Variants in RBFOX1 observed in about 807,000 individuals in gnomAD.
RBFOX1 encodes RNA binding fox-1 homolog 1, also known as RNA binding protein fox-1 homolog 1.
A neutral mutation model predicts 57.7 loss-of-function variants in RBFOX1; 8 were observed. That is an observed-to-expected ratio of 0.14 (90% CI 0.08 to 0.25). The LOEUF (loss-of-function observed/expected upper bound fraction) is 0.25, where lower values mean the gene tolerates loss of function less well. RBFOX1 is among the 10% of genes least tolerant of loss of function. The pLI is 1.00. For synonymous variants in RBFOX1, 326 were observed against 222.4 expected, an observed-to-expected ratio of 1.47 and a Z score of -4.15; for missense variants, 611 against 548.5, an observed-to-expected ratio of 1.11 and a Z score of -1.14.
At chr16:7,315,177 T>C (rs1158660425) in intron 4 of RBFOX1, among the ~76,000 whole-genome samples, 1 of 152,050 alleles carries the variant, frequency 6.6e-6, no homozygotes, top group African/African-American at 2.4e-5. Context: ...GATATTTCTT[T>C]CCCTATAGAA....
intron 4 of RBFOX1, among the ~76,000 whole-genome samples, chr16:7,084,159 C>A (rs1225116403): frequency 6.6e-6 from 1 of 152,100 alleles, no homozygotes; most frequent in Non-Finnish European, 1.5e-5. Context: ...CTGTGGTAAA[C>A]AGGAGAGCAT....
intron 2 of RBFOX1, among the ~76,000 whole-genome samples, chr16:6,454,567 G>GAAACAAAAAATGAAAAC (rs1398828752): frequency 4.0e-5 from 6 of 151,888 alleles, no homozygotes; most frequent in African/African-American, 1.5e-4. Context: ...CAAAAACAAG[G>GAAACAAAAAATGAAAAC]AAACAAAAAA....
intron 2 of RBFOX1, among the ~76,000 whole-genome samples, chr16:6,351,323 C>CAT (rs2086308568): frequency 8.9e-6 from 1 of 112,928 alleles, no homozygotes; most frequent in Non-Finnish European, 1.8e-5. Flanking sequence ...ATATATATAA[C>CAT]GTGTGTGTGT....
chr16:7,604,626 A>G (rs1223679934), intron 9 of RBFOX1, among the ~76,000 whole-genome samples: 1 of 152,206 alleles, frequency 6.6e-6, no homozygotes, highest in Admixed American at 6.5e-5. Flanking sequence ...TTATAGATAG[A>G]TCAGTAGATA....
intron 2 of RBFOX1, among the ~76,000 whole-genome samples, chr16:5,485,324 C>T (rs558414381): frequency 5.9e-4 from 66 of 111,068 alleles, no homozygotes; most frequent in African/African-American, 1.3e-3. Context: ...CCAGCCTGGG[C>T]GACAGAGCCA....
Position 6,409,369 on chromosome 16 carries a change from A to G in RBFOX1, c.-64+92312A>G, listed in dbSNP as rs530089443. Among the ~76,000 whole-genome samples the G allele has an allele frequency of 7.2e-5, 11 of 152,312 alleles. No homozygotes were observed. The East Asian group carries it at 1.9e-3, about 27-fold the overall frequency. ...GCGGATGTTGCAGTGAGCCGAGATC[A>G]TGCCATTGCCCTCCAGCCAGGGCAA... On this transcript the variant is annotated intron_variant, in intron 2 of 15. Transcript: ENST00000550418.
intron 4 of RBFOX1, among the ~76,000 whole-genome samples, chr16:7,367,842 A>G (rs1270205980): frequency 6.6e-6 from 1 of 152,086 alleles, no homozygotes; most frequent in African/African-American, 2.4e-5. Flanking sequence ...TGATATATAT[A>G]TATGCATATA....
intron 3 of RBFOX1, among the ~76,000 whole-genome samples, chr16:6,817,836 C>G (rs570099992): frequency 6.6e-6 from 1 of 152,268 alleles, no homozygotes; most frequent in African/African-American, 2.4e-5. Context: ...ATGAAGTCCC[C>G]TGTGAATGTG....
intron 4 of RBFOX1, among the ~76,000 whole-genome samples, chr16:5,921,900 C>G (rs944859369): frequency 6.6e-6 from 1 of 151,928 alleles, no homozygotes; most frequent in South Asian, 2.1e-4. Context: ...GCCTGTAATC[C>G]CAGCACTTTG....
At chr16:6,935,664 G>A (rs557058349) in intron 3 of RBFOX1, among the ~76,000 whole-genome samples, 32 of 152,186 alleles carry the variant, frequency 2.1e-4, no homozygotes, top group Admixed American at 8.5e-4. Flanking sequence ...ATTCTTAAAT[G>A]TAATGTGCCT....
intron 4 of RBFOX1, among the ~76,000 whole-genome samples, chr16:7,234,468 G>T (rs910588204): frequency 3.9e-5 from 6 of 152,030 alleles, no homozygotes; most frequent in African/African-American, 1.4e-4. Context: ...TCCCTCATCA[G>T]TGAAGAAGGG....
chr16:5,357,782 A>G (rs1470747221), intron 1 of RBFOX1, among the ~76,000 whole-genome samples: 3 of 152,178 alleles, frequency 2.0e-5, no homozygotes, highest in African/African-American at 7.2e-5. Flanking sequence ...AAGACATCAC[A>G]GGGAATTTCT....
chr16:7,332,666 C>G, intron 4 of RBFOX1: 2 of 689,398 alleles, frequency 2.9e-6, no homozygotes, highest in Non-Finnish European at 3.9e-6. Flanking sequence ...CTTGGTCTCT[C>G]TCTCTGTCTC....
chr16:6,475,834 G>T (rs536726311), intron 2 of RBFOX1, among the ~76,000 whole-genome samples: 1 of 152,212 alleles, frequency 6.6e-6, no homozygotes, highest in East Asian at 1.9e-4. Flanking sequence ...TATTTCAATA[G>T]GTCATTACCA....
rs1317727387 is a variant in RBFOX1, at chr16:5,918,473, C to T, written c.351+51138C>T. On this transcript the variant is annotated intron_variant, in intron 4 of 19. Coordinates refer to the RBFOX1 transcript ENST00000641259. ...GTGTGTGCAACTTGACATCCCAGAG[C>T]ATGCACCTAGTTCCGTATCGTAAGT... is the stretch of plus-strand genomic sequence containing the variant. 2.6e-5 allele frequency among the ~76,000 whole-genome samples: 4 copies of T among 152,166 alleles called. No homozygotes were observed. The East Asian group carries it at 7.7e-4, about 29-fold the overall frequency.
intron 4 of RBFOX1, among the ~76,000 whole-genome samples, chr16:7,059,577 A>G (rs2053601152): frequency 6.6e-6 from 1 of 152,198 alleles, no homozygotes; most frequent in Admixed American, 6.5e-5. Context: ...ACTGATGAAT[A>G]TGAGAAACAA....
intron 1 of RBFOX1, among the ~76,000 whole-genome samples, chr16:5,267,086 T>C (rs1404870883): frequency 2.0e-5 from 3 of 150,616 alleles, no homozygotes; most frequent in African/African-American, 7.3e-5. Flanking sequence ...GAGTGTGTTG[T>C]GTACATCTCT....
At chr16:7,508,859 G>C (rs767284920) in intron 4 of RBFOX1, among the ~76,000 whole-genome samples, 1 of 152,162 alleles carries the variant, frequency 6.6e-6, no homozygotes, top group Non-Finnish European at 1.5e-5. Context: ...AGTAGGGGAA[G>C]ATCTCTCTTT....
At chr16:7,373,537 G>T (rs1259970488) in intron 4 of RBFOX1, among the ~76,000 whole-genome samples, 5 of 152,136 alleles carry the variant, frequency 3.3e-5, no homozygotes, top group Non-Finnish European at 7.3e-5. Context: ...CTGTGAACAG[G>T]AGATGGCTAA....
Sources: allele counts gnomAD v4.1 joint callset (sites outside exome capture counted in the v4.1 genomes callset), GRCh38; gene constraint gnomAD v4.1.1; transcripts MANE v1.5; gene names NCBI Gene and HGNC (gene_info 2026-07-23, HGNC 2026-07-21).